The following FOCAD variants were observed in gnomAD, a reference collection of about 807,000 sequenced individuals.
FOCAD encodes the protein KIAA1797.
Under a neutral mutation model 225.6 loss-of-function variants are expected in FOCAD, and 198 were observed. The observed-to-expected ratio is 0.88, with a 90% CI of 0.78 to 0.99. FOCAD has a LOEUF of 0.99. Ranked by LOEUF, FOCAD falls within the 50% of genes least tolerant of loss-of-function variation. The pLI, the probability that FOCAD is intolerant of heterozygous loss-of-function variation, is 0.00. For missense variants in FOCAD, 2,713 were observed against 2,123.6 expected (o/e 1.28, Z -5.46); for synonymous variants, 897 against 755.0 (o/e 1.19, Z -3.08).
intron 36 of FOCAD, 35 bp downstream of exon 36, chr9:20,976,583 G>T: frequency 1.2e-6 from 2 of 1,602,632 alleles, no homozygotes; most frequent in South Asian, 1.1e-5. Context: ...TTCAGACTTT[G>T]ATTTTAGTAT....
intron 2 of FOCAD, among the ~76,000 whole-genome samples, chr9:20,668,951 C>T (rs994453602): frequency 6.6e-6 from 1 of 151,968 alleles, no homozygotes; most frequent in Non-Finnish European, 1.5e-5. Context: ...CCTCCCCACC[C>T]ATCTCTGGGC....
At chr9:20,843,765 C>T (rs943655682) in intron 15 of FOCAD, among the ~76,000 whole-genome samples, 2 of 152,214 alleles carry the variant, frequency 1.3e-5, no homozygotes, top group African/African-American at 4.8e-5. Flanking sequence ...ATGTATACAG[C>T]ATGTAATGAA....
chr9:20,986,370 T>G lies in FOCAD; in HGVS notation c.4811T>G (p.Leu1604Arg), dbSNP rs1841170810. The change falls in exon 40 of 44, where the codon CTG becomes CGG. Residue 1604 changes from leucine to arginine, a missense_variant. Physicochemically the swap from Leu to Arg is moderately radical, Grantham distance 102. Transcript: ENST00000338382. ...RFPLVNLTDM[L>R]SVAVQHREKE... Reference sequence around the variant, plus strand: ...CCCTTGGTGAACCTGACCGATATGCTGAGCGTTGCTGTGCAGCACCGTGAG... The same window carrying G: ...CCCTTGGTGAACCTGACCGATATGCGGAGCGTTGCTGTGCAGCACCGTGAG... 1 of 1,608,762 alleles carries G rather than the reference T, an allele frequency of 6.2e-7. No individual in the cohort carries two copies. Among genetic ancestry groups the G allele is most frequent in the Non-Finnish European group, 8.5e-7 (1 of 1,178,188 alleles).
chr9:20,929,600 C>A lies in FOCAD; in HGVS notation c.3317+4C>A. 1 of 1,610,466 alleles carries A rather than the reference C, an allele frequency of 6.2e-7. No individual in the cohort carries two copies. Reference sequence around the variant, plus strand: ...GCTTGTGTGAAGAGAAACTCAGGTACAGTTTATTAAAATATTCCTGCTTTT... The same window carrying A: ...GCTTGTGTGAAGAGAAACTCAGGTAAAGTTTATTAAAATATTCCTGCTTTT... On this transcript the variant is annotated splice_donor_region_variant and intron_variant, in intron 27 of 43. Transcript: ENST00000338382.
chr9:20,843,606 G>C (rs1826773081), intron 15 of FOCAD, among the ~76,000 whole-genome samples: 1 of 151,938 alleles, frequency 6.6e-6, no homozygotes, highest in African/African-American at 2.4e-5. Flanking sequence ...AAGCTGCTTG[G>C]TGTTCCATAA....
Position 20,789,467 on chromosome 9 carries a change from A to G in FOCAD, c.1314A>G (p.Val438=). The part of the protein sequence containing the change: ...SSAASDWLAS[V]ESLLPITAVI... ...CTGCAAGTGACTGGTTGGCTTCAGTAGAGTCATTGCTTCCTATTACTGCTG... is the reference window on the plus strand; with the variant it reads ...CTGCAAGTGACTGGTTGGCTTCAGTGGAGTCATTGCTTCCTATTACTGCTG... Residue 438 remains valine (V), a synonymous_variant, in exon 11 of 44, where the codon GTA becomes GTG. Transcript: ENST00000338382. 6.2e-7 allele frequency: 1 copy of G among 1,613,994 alleles called. No individual in the cohort carries two copies. Among genetic ancestry groups the G allele is most frequent in the Non-Finnish European group, 8.5e-7 (1 of 1,179,978 alleles).
intron 27 of FOCAD, among the ~76,000 whole-genome samples, chr9:20,932,165 G>A (rs1315588182): frequency 3.9e-5 from 6 of 152,176 alleles, no homozygotes; most frequent in Non-Finnish European, 8.8e-5. Context: ...TTAAGTCTGT[G>A]TGTGTGATAT....
chr9:20,981,333 T>C, intron 37 of FOCAD, 93 bp from the exon 38 acceptor site: 1 of 1,401,352 alleles, frequency 7.1e-7, no homozygotes, highest in East Asian at 2.3e-5. Flanking sequence ...TATCTCTCAG[T>C]CTACCCTCAA....
intron 35 of FOCAD, among the ~76,000 whole-genome samples, chr9:20,964,684 TGC>T (rs1459940810): frequency 1.3e-5 from 2 of 152,014 alleles, no homozygotes; most frequent in African/African-American, 4.8e-5. Flanking sequence ...AACAGGCGCA[TGC>T]CACCACGCCC....
At chr9:20,747,040 G>A (rs1043640723) in intron 5 of FOCAD, among the ~76,000 whole-genome samples, 1 of 152,122 alleles carries the variant, frequency 6.6e-6, no homozygotes, top group African/African-American at 2.4e-5. Context: ...TTTCTGTACT[G>A]AATAGTTATC....
chr9:20,963,085 C>T (rs781359973), intron 35 of FOCAD, among the ~76,000 whole-genome samples: 13 of 152,160 alleles, frequency 8.5e-5, no homozygotes, highest in Non-Finnish European at 1.9e-4. Context: ...TATAGTTCCT[C>T]TCATTCCAGT....
At chr9:20,942,355 T>C (rs148632068) in intron 28 of FOCAD, among the ~76,000 whole-genome samples, 516 of 152,308 alleles carry the variant, frequency 3.4e-3, no homozygotes, top group African/African-American at 0.012. Context: ...GTGCCCAGGA[T>C]AGCCTGAAAA....
intron 2 of FOCAD, among the ~76,000 whole-genome samples, chr9:20,673,327 C>T (rs1158690972): frequency 1.3e-5 from 2 of 152,142 alleles, no homozygotes; most frequent in Non-Finnish European, 1.5e-5. Flanking sequence ...CTATGCTTAA[C>T]ACTTTGAGGA....
chr9:20,937,681 T>C (rs1836137372), intron 28 of FOCAD, among the ~76,000 whole-genome samples: 2 of 152,162 alleles, frequency 1.3e-5, no homozygotes, highest in Non-Finnish European at 2.9e-5. Context: ...AAGGACTGCA[T>C]GTCTAAAACA....
At position 20,719,778 on chromosome 9, in the gene FOCAD, C is replaced by CTTTTTTTTTTTTTT. The variant is rs34384301; in HGVS notation, c.133-591_133-578dup. On this transcript the variant is annotated intron_variant, in intron 3 of 43. Coordinates refer to ENST00000338382, the MANE Select transcript of FOCAD (RefSeq NM_001375567.1). The stretch of plus-strand genomic sequence containing the variant: ...TTCTTGGGCAAACAGTTTTCCTAGG[C>CTTTTTTTTTTTTTT]TTTTTTTTTTTTTTTTTTTTTTTTG... Among the ~76,000 whole-genome samples, 6 of 62,112 alleles carry CTTTTTTTTTTTTTT rather than the reference C, an allele frequency of 9.7e-5. 1 individual carries two copies. The highest frequency in any genetic ancestry group is 7.1e-4 in the Admixed American group (3 of 4,226). The allele number at this position is 62,112 out of a possible 152,430, so 40.7% of individuals were successfully genotyped here.
intron 14 of FOCAD, among the ~76,000 whole-genome samples, chr9:20,821,621 A>G (rs764967029): frequency 3.3e-5 from 5 of 152,090 alleles, no homozygotes; most frequent in Non-Finnish European, 5.9e-5. Context: ...AACAGGGTGG[A>G]GGTGACAAGA....
At chr9:20,812,475 T>A (rs898479901) in intron 11 of FOCAD, among the ~76,000 whole-genome samples, 1 of 152,098 alleles carries the variant, frequency 6.6e-6, no homozygotes, top group Non-Finnish European at 1.5e-5. Flanking sequence ...TTTTGCAGCC[T>A]CATGAAGTGT....
At chr9:20,849,119 T>G (rs1827403383) in intron 15 of FOCAD, among the ~76,000 whole-genome samples, 1 of 151,996 alleles carries the variant, frequency 6.6e-6, no homozygotes, top group Non-Finnish European at 1.5e-5. Flanking sequence ...GCCAAGCCAA[T>G]ATACTTTTCC....
rs189300049 is a variant in FOCAD, at chr9:20,919,231, A to C, written c.2852+2294A>C. ...CATTCACAATTGCTTCAAAGAGAATAAAATACCTAGGAATCCAACTTACAA... is the reference window on the plus strand; with the variant it reads ...CATTCACAATTGCTTCAAAGAGAATCAAATACCTAGGAATCCAACTTACAA... On this transcript the variant is annotated intron_variant, in intron 24 of 43. Transcript: ENST00000338382. 3.5e-3 allele frequency among the ~76,000 whole-genome samples: 531 copies of C among 152,302 alleles called. 2 individuals carry two copies. The highest frequency in any genetic ancestry group is 0.012 in the African/African-American group (510 of 41,562).
Sources: allele counts gnomAD v4.1 joint callset (sites outside exome capture counted in the v4.1 genomes callset), GRCh38; gene constraint gnomAD v4.1.1; transcripts MANE v1.5; gene names NCBI Gene and HGNC (gene_info 2026-07-23, HGNC 2026-07-21).